The following CDH12 variants were observed in gnomAD, a reference collection of about 807,000 sequenced individuals.
CDH12 encodes cadherin-12.
CDH12 carries 41 observed loss-of-function variants against 74.1 expected under a neutral mutation model. The observed-to-expected ratio is 0.55, with a 90% confidence interval of 0.43 to 0.72. CDH12 has a LOEUF of 0.72. Among genes scored for constraint, CDH12 ranks in the 30% least tolerant of loss-of-function variants. The pLI is 0.00. For missense variants in CDH12, 945 were observed against 977.2 expected (o/e 0.97, Z 0.44); for synonymous variants, 399 against 355.0 (o/e 1.12, Z -1.39).
At chr5:22,636,264 C>T (rs1446735133) in intron 1 of CDH12, among the ~76,000 whole-genome samples, 1 of 151,096 alleles carries the variant, frequency 6.6e-6, no homozygotes, top group Non-Finnish European at 1.5e-5. Flanking sequence ...GAAGTTTTCT[C>T]AGCTTCTTAA....
chr5:22,781,706 C>G (rs1278758828), intron 1 of CDH12, among the ~76,000 whole-genome samples: 2 of 152,160 alleles, frequency 1.3e-5, no homozygotes, highest in Admixed American at 6.5e-5. Flanking sequence ...TCCCCTGCTT[C>G]TTCGGCCAGA....
intron 1 of CDH12, among the ~76,000 whole-genome samples, chr5:22,559,393 G>A (rs1338426004): frequency 2.6e-5 from 4 of 151,956 alleles, no homozygotes; most frequent in Non-Finnish European, 4.4e-5. Context: ...AACAACAAAA[G>A]AGAAAAACAA....
At chr5:21,832,771 ATT>A (rs200573031) in intron 8 of CDH12, among the ~76,000 whole-genome samples, 2,034 of 127,190 alleles carry the variant, frequency 0.016, 56 homozygotes, top group African/African-American at 0.059. Context: ...TATGATATAT[ATT>A]ATATTAATAT....
At chr5:22,820,212 G>A (rs1749616842) in intron 1 of CDH12, among the ~76,000 whole-genome samples, 1 of 151,632 alleles carries the variant, frequency 6.6e-6, no homozygotes, top group South Asian at 2.1e-4. Flanking sequence ...AAATTAATGG[G>A]AATAAAAAAA....
chr5:22,644,892 C>T (rs531929316), intron 1 of CDH12, among the ~76,000 whole-genome samples: 11 of 151,964 alleles, frequency 7.2e-5, no homozygotes, highest in Non-Finnish European at 1.6e-4. Context: ...ACTCTGTGCT[C>T]TATAAATGGA....
rs879222296 is a variant in CDH12, at chr5:21,883,131, G to T, written c.527-28341C>A. ...TATGATTTCTGCAAATGGAGACAAAGAAATTGGCAATATCATCTCTGATGC... is the reference window on the plus strand; with the variant it reads ...TATGATTTCTGCAAATGGAGACAAATAAATTGGCAATATCATCTCTGATGC... On this transcript the variant is annotated intron_variant, in intron 6 of 14. Coordinates refer to ENST00000382254, the MANE Select transcript of CDH12 (RefSeq NM_004061.5). 15 of 1,565,718 alleles carry T rather than the reference G, an allele frequency of 9.6e-6. No individual in the cohort carries two copies. The South Asian group carries it at 1.4e-4, about 15-fold the overall frequency.
chr5:21,753,858 G>A (rs922834740), intron 14 of CDH12, among the ~76,000 whole-genome samples: 1 of 152,134 alleles, frequency 6.6e-6, no homozygotes, highest in African/African-American at 2.4e-5. Context: ...ACCAAGCCAT[G>A]TTAGGTTGAT....
chr5:22,305,123 G>T (rs1313528966), intron 3 of CDH12, among the ~76,000 whole-genome samples: 1 of 152,020 alleles, frequency 6.6e-6, no homozygotes, highest in African/African-American at 2.4e-5. Context: ...CATATAAAAG[G>T]TACTTTGGAT....
chr5:21,829,973 T>A (rs1579785114), intron 8 of CDH12, among the ~76,000 whole-genome samples: 1 of 151,476 alleles, frequency 6.6e-6, no homozygotes, highest in South Asian at 2.1e-4. Flanking sequence ...CCGAGGCAGG[T>A]GGATCACCCG....
At chr5:22,058,640 A>AG (rs1433374928) in intron 5 of CDH12, among the ~76,000 whole-genome samples, 4,528 of 151,020 alleles carry the variant, frequency 0.03, 156 homozygotes, top group African/African-American at 0.082. Flanking sequence ...GCACCTTTTT[A>AG]ATGTACAAAG....
chr5:22,412,236 A>G (rs990723927), intron 2 of CDH12, among the ~76,000 whole-genome samples: 1 of 151,958 alleles, frequency 6.6e-6, no homozygotes, highest in Non-Finnish European at 1.5e-5. Flanking sequence ...GGGTTTTAAG[A>G]CGAATGCCAA....
intron 1 of CDH12, among the ~76,000 whole-genome samples, chr5:22,595,748 A>G (rs573095681): frequency 6.6e-6 from 1 of 152,218 alleles, no homozygotes; most frequent in South Asian, 2.1e-4. Context: ...TACAAATTCA[A>G]TAATTGTTAG....
intron 3 of CDH12, among the ~76,000 whole-genome samples, chr5:22,310,916 T>G (rs1206706162): frequency 6.6e-6 from 1 of 152,208 alleles, no homozygotes; most frequent in Non-Finnish European, 1.5e-5. Flanking sequence ...GTAATAAAAA[T>G]GAAAATTATT....
At chr5:22,201,161 A>G (rs890352787) in intron 4 of CDH12, among the ~76,000 whole-genome samples, 9 of 152,164 alleles carry the variant, frequency 5.9e-5, no homozygotes, top group African/African-American at 1.9e-4. Flanking sequence ...ATTAGGAAAA[A>G]GCAGATATGA....
At chr5:22,812,368 T>C (rs1749194189) in intron 1 of CDH12, among the ~76,000 whole-genome samples, 3 of 152,150 alleles carry the variant, frequency 2.0e-5, no homozygotes, top group Non-Finnish European at 2.9e-5. Context: ...ACCCTGTCCG[T>C]CTCCTCTGCA....
intron 1 of CDH12, among the ~76,000 whole-genome samples, chr5:22,765,045 T>G (rs1746428929): frequency 6.6e-6 from 1 of 151,992 alleles, no homozygotes; most frequent in African/African-American, 2.4e-5. Flanking sequence ...ACATTACAAA[T>G]ACATTAGAAT....
At chr5:22,625,356 G>A (rs1037301315) in intron 1 of CDH12, among the ~76,000 whole-genome samples, 2 of 152,078 alleles carry the variant, frequency 1.3e-5, no homozygotes, top group South Asian at 4.1e-4. Flanking sequence ...AAAAAAGAAA[G>A]AGGCAAGTTG....
chr5:22,076,538 T>C (rs1742325286), intron 5 of CDH12, among the ~76,000 whole-genome samples: 1 of 152,160 alleles, frequency 6.6e-6, no homozygotes, highest in South Asian at 2.1e-4. Context: ...AAATAACTGA[T>C]ATCTATGTTG....
Position 22,123,456 on chromosome 5 carries a change from A to G in CDH12, c.-186-44594T>C, listed in dbSNP as rs145793586. On this transcript the variant is annotated intron_variant, in intron 4 of 14. Coordinates refer to ENST00000382254, the MANE Select transcript of CDH12 (RefSeq NM_004061.5). ...GGTTCTTTTTCTATGAAAAAGTCTGACTAATTCGGGAAGTCAAGATGACAA... is the reference window on the plus strand; with the variant it reads ...GGTTCTTTTTCTATGAAAAAGTCTGGCTAATTCGGGAAGTCAAGATGACAA... Among the ~76,000 whole-genome samples, 1,260 of 152,302 alleles carry G rather than the reference A, an allele frequency of 8.3e-3. 20 individuals carry two copies. The highest frequency in any genetic ancestry group is 0.029 in the African/African-American group (1,202 of 41,556).
Sources: allele counts gnomAD v4.1 joint callset (sites outside exome capture counted in the v4.1 genomes callset), GRCh38; gene constraint gnomAD v4.1.1; transcripts MANE v1.5; gene names NCBI Gene and HGNC (gene_info 2026-07-23, HGNC 2026-07-21).